Variants in PRKCZ observed in about 807,000 individuals in gnomAD.
PRKCZ encodes protein kinase C zeta.
A neutral mutation model predicts 79.5 loss-of-function variants in PRKCZ; 33 were observed. The observed-to-expected ratio is 0.41, with a 90% CI of 0.31 to 0.55. The LOEUF (loss-of-function observed/expected upper bound fraction) is 0.55. Among genes scored for constraint, PRKCZ ranks in the 20% least tolerant of loss-of-function variants. PRKCZ has a pLI of 0.19. For missense variants in PRKCZ, 578 were observed against 813.5 expected, an observed-to-expected ratio of 0.71 and a Z score of 3.52; for synonymous variants, 342 against 320.9, an observed-to-expected ratio of 1.07 and a Z score of -0.70.
intron 9 of PRKCZ, 142 bp downstream of exon 9, chr1:2,151,120 C>A: frequency 9.6e-7 from 1 of 1,046,464 alleles, no homozygotes; most frequent in Non-Finnish European, 1.4e-6. Context: ...AGTCATGCAT[C>A]GTGTAATGAC....
At chr1:2,120,089 G>A (rs1671556226) in intron 4 of PRKCZ, among the ~76,000 whole-genome samples, 1 of 152,068 alleles carries the variant, frequency 6.6e-6, no homozygotes, top group African/African-American at 2.4e-5. Context: ...TTTCTGTGGT[G>A]AGGGCGCCTT....
chr1:2,065,237 T>C (rs1661018084), intron 4 of PRKCZ, among the ~76,000 whole-genome samples: 1 of 152,254 alleles, frequency 6.6e-6, no homozygotes, highest in Non-Finnish European at 1.5e-5. Flanking sequence ...AACAACTTTC[T>C]GTGGAAACTT....
chr1:2,125,202 C>T lies in PRKCZ; in HGVS notation c.335-10060C>T, dbSNP rs1673632127. Among the ~76,000 whole-genome samples the T allele has an allele frequency of 6.6e-6, 1 of 152,160 alleles. No individual in the cohort carries two copies. The highest frequency in any genetic ancestry group is 6.5e-5 in the Admixed American group (1 of 15,284). On this transcript the variant is annotated intron_variant, in intron 4 of 17. Transcript: ENST00000378567. The surrounding 1 kb of genome is among the most constrained non-coding windows in gnomAD (Gnocchi z 4.2). ...TTTAGTGAATCCAGAAAAAAAATTT[C>T]TTACATAGAAAGGAGCGGTATTTGG...
In PRKCZ at chr1:2,151,368, G is replaced by A. The variant is rs548945568; in HGVS notation, c.876+390G>A. Among the ~76,000 whole-genome samples the A allele has an allele frequency of 1.4e-4, 22 of 152,360 alleles. 1 individual carries two copies. The South Asian group carries it at 3.5e-3, about 24-fold the overall frequency. On this transcript the variant is annotated intron_variant, in intron 9 of 17. Transcript: ENST00000378567. ...CTTAGAAAAGGTGAAGATGGGTATC[G>A]TGGTCTCTGCAACCTTCTCATGTAT...
At chr1:2,184,518 A>G in intron 16 of PRKCZ, 65 bp from the exon 17 acceptor site, 1 of 1,248,914 alleles carries the variant, frequency 8.0e-7, no homozygotes, top group South Asian at 1.3e-5. Flanking sequence ...AGTGCGTGCA[A>G]AACACTCAAT....
At chr1:2,148,474 C>G (rs1379314052) in intron 7 of PRKCZ, among the ~76,000 whole-genome samples, 2 of 152,236 alleles carry the variant, frequency 1.3e-5, no homozygotes, top group African/African-American at 4.8e-5. Context: ...ATCTATCCAT[C>G]CATTGTGCAC....
intron 4 of PRKCZ, among the ~76,000 whole-genome samples, chr1:2,130,712 G>T (rs1674787440): frequency 6.6e-6 from 1 of 151,782 alleles, no homozygotes; most frequent in South Asian, 2.1e-4. Flanking sequence ...CACCTGCATT[G>T]TGGTGGGCAG....
At chr1:2,063,796 C>G (rs1054518186) in intron 4 of PRKCZ, among the ~76,000 whole-genome samples, 1 of 151,248 alleles carries the variant, frequency 6.6e-6, no homozygotes, top group Admixed American at 6.6e-5. Flanking sequence ...TCTCATTTCC[C>G]TGGTGATAAG....
At chr1:2,052,262 G>A (rs28671574) in intron 1 of PRKCZ, among the ~76,000 whole-genome samples, 11,351 of 152,146 alleles carry the variant, frequency 0.075, 595 homozygotes, top group East Asian at 0.24. Context: ...GGAGTTCTGG[G>A]CCGCCCCGTC....
chr1:2,074,413 C>A, intron 4 of PRKCZ: 1 of 1,263,912 alleles, frequency 7.9e-7, no homozygotes, highest in South Asian at 1.3e-5. Context: ...TCACTGTGGC[C>A]GATGCTTTTT....
chr1:2,184,955 C>T lies in PRKCZ; in HGVS notation c.1725C>T (p.Phe575=), dbSNP rs765516211. ...TAAAGAGGATCGACCAGTCAGAGTT[C>T]GAAGGCTTTGAGTATATCAACCCAT... ...DAIKRIDQSE[F]EGFEYINPLL... Residue 575 remains phenylalanine, a synonymous_variant, in exon 18 of 18, where the codon TTC becomes TTT. Coordinates refer to ENST00000378567, the MANE Select transcript of PRKCZ (RefSeq NM_002744.6). The T allele has an allele frequency of 1.2e-6, 2 of 1,613,824 alleles. No individual in the cohort carries two copies. The highest frequency in any genetic ancestry group is 1.3e-5 in the African/African-American group (1 of 74,944).
intron 9 of PRKCZ, 33 bp from the exon 10 acceptor site, chr1:2,155,962 A>G (rs1178893939): frequency 6.3e-7 from 1 of 1,588,118 alleles, no homozygotes; most frequent in Non-Finnish European, 8.6e-7. Flanking sequence ...AGCATTCGGG[A>G]GCCTCATTAC....
At chr1:2,059,728 GA>G in intron 4 of PRKCZ, 137 bp downstream of exon 4, 5 of 1,145,520 alleles carry the variant, frequency 4.4e-6, no homozygotes, top group Non-Finnish European at 6.4e-6. Flanking sequence ...CAGCCGTGGT[GA>G]CCGCAGGTGG....
chr1:2,170,369 T>G (rs1474575430), intron 11 of PRKCZ, among the ~76,000 whole-genome samples: 1 of 152,222 alleles, frequency 6.6e-6, no homozygotes, highest in Non-Finnish European at 1.5e-5. Flanking sequence ...CTTTTCCTCA[T>G]TTCCTTACTT....
At position 2,082,237 on chromosome 1, in the gene PRKCZ, C is replaced by G. The variant is rs1663678097; in HGVS notation, c.334+22646C>G. The G allele has an allele frequency of 4.1e-5, 16 of 389,674 alleles. No individual in the cohort carries two copies. Among genetic ancestry groups the G allele is most frequent in the South Asian group, 2.7e-4 (14 of 51,812 alleles). The allele number at this position is 389,674 out of a possible 1,614,324, so 24.1% of individuals were successfully genotyped here. A position where few individuals can be genotyped will look rare whatever the true frequency, so the allele number is the denominator to read the frequency against. ...TGTTGTGTGCGCCTTTTCCCTGCTC[C>G]AGGGCTGTGTATTTGGCAAGAGGGA... On this transcript the variant is annotated intron_variant, in intron 4 of 17. Transcript: ENST00000378567. The surrounding 1 kb of genome is among the most constrained non-coding windows in gnomAD (Gnocchi z 4.4).
Position 2,127,031 on chromosome 1 carries a change from C to T in PRKCZ, c.335-8231C>T, listed in dbSNP as rs1297122806. On this transcript the variant is annotated intron_variant, in intron 4 of 17. Transcript: ENST00000378567. The surrounding 1 kb of genome is among the most constrained non-coding windows in gnomAD (Gnocchi z 5.1). Reference sequence around the variant, plus strand: ...GGCAGAGCTTGGCTCCCTGTTCGCCCGACTGGCGCCTCGGCTGTGCCTCTT... The same window carrying T: ...GGCAGAGCTTGGCTCCCTGTTCGCCTGACTGGCGCCTCGGCTGTGCCTCTT... Among the ~76,000 whole-genome samples, 1 of 152,216 alleles carries T rather than the reference C, an allele frequency of 6.6e-6. No homozygotes were observed. The highest frequency in any genetic ancestry group is 2.4e-5 in the African/African-American group (1 of 41,452).
rs539542685 is a variant in PRKCZ, at chr1:2,082,362, G to C, written c.334+22771G>C. The C allele has an allele frequency of 2.2e-6, 1 of 455,788 alleles. No individual in the cohort carries two copies. The highest frequency in any genetic ancestry group is 4.4e-6 in the Non-Finnish European group (1 of 226,854). 28.2% of individuals were successfully genotyped at this position (455,788 alleles called of 1,614,324 possible). A position where few individuals can be genotyped will look rare whatever the true frequency, so the allele number is the denominator to read the frequency against. On this transcript the variant is annotated intron_variant, in intron 4 of 17. Coordinates refer to ENST00000378567, the MANE Select transcript of PRKCZ (RefSeq NM_002744.6). This position sits in a 1 kb window ranked among gnomAD's most constrained non-coding sequence, Gnocchi z 4.4. Reference sequence around the variant, plus strand: ...ACCTCTTTCAAGTTGCCGGCTACCCGGCTGCCGTAGACAGAGTGAAGTCTG... The same window carrying C: ...ACCTCTTTCAAGTTGCCGGCTACCCCGCTGCCGTAGACAGAGTGAAGTCTG...
At chr1:2,151,623 A>G (rs1679924843) in intron 9 of PRKCZ, among the ~76,000 whole-genome samples, 1 of 152,166 alleles carries the variant, frequency 6.6e-6, no homozygotes, top group African/African-American at 2.4e-5. Flanking sequence ...AGCTGTTTCT[A>G]GGGGAGAAGT....
chr1:2,059,372 T>G (rs1557476049), intron 3 of PRKCZ, among the ~76,000 whole-genome samples, 169 bp from the exon 4 acceptor site: 1 of 152,240 alleles, frequency 6.6e-6, no homozygotes, highest in Non-Finnish European at 1.5e-5. Flanking sequence ...CTGGCCTACG[T>G]AGACGCACGG....
Sources: gnomAD v4.1 joint callset for allele counts (sites outside exome capture counted in the v4.1 genomes callset) on GRCh38, gnomAD v4.1.1 for gene constraint, Gnocchi (gnomAD v3.1) non-coding constraint, MANE v1.5 for transcripts, NCBI Gene and HGNC (gene_info 2026-07-23, HGNC 2026-07-21) for gene names.